Variants in DPY19L2 observed in about 807,000 individuals in gnomAD.
DPY19L2 encodes the protein dpy-19 like 2, also known as probable C-mannosyltransferase DPY19L2.
Under a neutral mutation model 97.9 loss-of-function variants are expected in DPY19L2, and 34 were observed. That is an observed-to-expected ratio of 0.35 (90% CI 0.26 to 0.46). The LOEUF (loss-of-function observed/expected upper bound fraction) is 0.46, where lower values mean the gene tolerates loss of function less well. Ranked by LOEUF, DPY19L2 falls within the 20% of genes least tolerant of loss-of-function variation. DPY19L2 has a pLI of 1.00. For missense variants in DPY19L2, 623 were observed against 911.4 expected, an observed-to-expected ratio of 0.68 and a Z score of 4.07; for synonymous variants, 230 against 307.9, an observed-to-expected ratio of 0.75 and a Z score of 2.65.
intron 16 of DPY19L2, among the ~76,000 whole-genome samples, chr12:63,588,989 G>A (rs1399582948): frequency 6.6e-6 from 1 of 151,830 alleles, no homozygotes. Flanking sequence ...TCCTGACCTC[G>A]TGATCCGCCC....
intron 21 of DPY19L2, among the ~76,000 whole-genome samples, chr12:63,564,289 A>T (rs375681829): frequency 1.4e-3 from 216 of 152,124 alleles, no homozygotes; most frequent in African/African-American, 5.0e-3. Flanking sequence ...GAGTTTACTT[A>T]TTCTTTTTTT....
At position 63,634,168 on chromosome 12, in the gene DPY19L2, C is replaced by T. The variant is rs565314603; in HGVS notation, c.804-7642G>A. On this transcript the variant is annotated intron_variant, in intron 6 of 21. Transcript: ENST00000324472. ...ACATGGCACATGCATACATATGTAACTAACCTGCACGTTGTGCACATGTAC... is the reference window on the plus strand; with the variant it reads ...ACATGGCACATGCATACATATGTAATTAACCTGCACGTTGTGCACATGTAC... Among the ~76,000 whole-genome samples the T allele has an allele frequency of 8.5e-5, 13 of 152,214 alleles. 1 individual carries two copies. In the South Asian group the frequency reaches 2.3e-3, roughly 27 times the overall value.
Position 63,624,098 on chromosome 12 carries a change from C to G in DPY19L2, c.895G>C (p.Glu299Gln). The change falls in exon 8 of 22, where the codon GAA becomes CAA. Residue 299 changes from glutamate to glutamine, a missense_variant. By Grantham distance (29) the Glu-to-Gln change is conservative. Around this residue, in one of 6 missense-constraint regions of DPY19L2, gnomAD observed 67 missense variants for 88.0 expected, o/e 0.76. Transcript: ENST00000324472. ...TRVMWTPPLR[E>Q]SFSYPFLVLQ... ...ACAAGGAAAGGATAGGAAAAACTTT[C>G]ACGGAGAGGTGGTGTCCACATCACA... The G allele has an allele frequency of 6.2e-7, 1 of 1,611,762 alleles. No individual in the cohort carries two copies. Among genetic ancestry groups the G allele is most frequent in the Non-Finnish European group, 8.5e-7 (1 of 1,179,638 alleles).
chr12:63,592,043 G>A (rs1432361167), intron 16 of DPY19L2, among the ~76,000 whole-genome samples: 1 of 40,680 alleles, frequency 2.5e-5, no homozygotes, highest in Non-Finnish European at 5.0e-5. Flanking sequence ...GGGGAGGGGA[G>A]GGAACGGAAG....
At position 63,594,491 on chromosome 12, in the gene DPY19L2, G is replaced by GTGTGTGTGTGTA. The variant is rs58963302; in HGVS notation, c.1534-359_1534-358insTACACACACACA. On this transcript the variant is annotated intron_variant, in intron 15 of 21. Coordinates refer to ENST00000324472, the MANE Select transcript of DPY19L2 (RefSeq NM_173812.5). ...TGTGTGTGTGTGTGTGTGTGTGTGT[G>GTGTGTGTGTGTA]TATGAAACTTGGCCGGCTACAGGGA... Among the ~76,000 whole-genome samples, 685 of 144,620 alleles carry GTGTGTGTGTGTA rather than the reference G, an allele frequency of 4.7e-3. 11 individuals carry two copies. The highest frequency in any genetic ancestry group is 0.017 in the African/African-American group (644 of 37,118). 94.9% of individuals were successfully genotyped at this position (144,620 alleles called of 152,430 possible). A position where few individuals can be genotyped will look rare whatever the true frequency, so the allele number is the denominator to read the frequency against.
At chr12:63,640,427 A>G (rs1592696864) in intron 6 of DPY19L2, among the ~76,000 whole-genome samples, 2 of 152,320 alleles carry the variant, frequency 1.3e-5, no homozygotes, top group South Asian at 4.1e-4. Flanking sequence ...AAGAAGGGGA[A>G]AGATATCAAT....
At chr12:63,636,522 C>T (rs904770413) in intron 6 of DPY19L2, among the ~76,000 whole-genome samples, 12 of 151,974 alleles carry the variant, frequency 7.9e-5, no homozygotes, top group East Asian at 1.9e-4. Flanking sequence ...GTGCTGTATT[C>T]GGGAAACCCA....
At chr12:63,574,284 A>T (rs1879421292) in intron 19 of DPY19L2, among the ~76,000 whole-genome samples, 1 of 152,066 alleles carries the variant, frequency 6.6e-6, no homozygotes, top group Non-Finnish European at 1.5e-5. Context: ...TATTATTTGC[A>T]AGCCTCATGG....
chr12:63,595,210 T>C (rs1213926826), intron 15 of DPY19L2, among the ~76,000 whole-genome samples: 7 of 152,148 alleles, frequency 4.6e-5, no homozygotes, highest in Admixed American at 3.9e-4. Flanking sequence ...ACACAACTGG[T>C]ATGGTGGTAG....
intron 6 of DPY19L2, among the ~76,000 whole-genome samples, chr12:63,634,344 A>C: frequency 6.6e-6 from 1 of 151,882 alleles, no homozygotes; most frequent in Non-Finnish European, 1.5e-5. Flanking sequence ...AAGATGGCTG[A>C]ATAGGAACAG....
chr12:63,622,041 C>T (rs988079653), intron 8 of DPY19L2, among the ~76,000 whole-genome samples: 8 of 151,984 alleles, frequency 5.3e-5, no homozygotes, highest in Non-Finnish European at 8.8e-5. Context: ...TTTGTACAAT[C>T]GTATATAAAT....
At chr12:63,593,891 C>A (rs1411094656) in intron 16 of DPY19L2, among the ~76,000 whole-genome samples, 196 bp downstream of exon 16, 4 of 151,962 alleles carry the variant, frequency 2.6e-5, no homozygotes, top group African/African-American at 7.3e-5. Context: ...ATATATATAT[C>A]TCCAAAACAA....
rs192216149 is a variant in DPY19L2, at chr12:63,647,568, A to G, written c.589-203T>C. On this transcript the variant is annotated intron_variant, in intron 4 of 21. Transcript: ENST00000324472. ...ATAAAAACAAACACTGCGTGTTTTG[A>G]TATTAAAAAGCTTTATAGATTCAAT... Among the ~76,000 whole-genome samples the G allele has an allele frequency of 1.8e-3, 280 of 152,274 alleles. 1 individual carries two copies. Among genetic ancestry groups the G allele is most frequent in the Non-Finnish European group, 2.9e-3 (199 of 67,998 alleles).
At chr12:63,589,416 A>G (rs1017385305) in intron 16 of DPY19L2, among the ~76,000 whole-genome samples, 4 of 149,604 alleles carry the variant, frequency 2.7e-5, no homozygotes, top group African/African-American at 9.8e-5. Context: ...CCTATAAACT[A>G]AAAGATCAAT....
chr12:63,655,979 T>G (rs1894921334), intron 4 of DPY19L2, among the ~76,000 whole-genome samples: 1 of 152,242 alleles, frequency 6.6e-6, no homozygotes, highest in Non-Finnish European at 1.5e-5. Context: ...ATGACCCATG[T>G]AATTAAATGC....
chr12:63,660,188 C>T (rs2138290978), intron 4 of DPY19L2, among the ~76,000 whole-genome samples: 1 of 152,046 alleles, frequency 6.6e-6, no homozygotes, highest in South Asian at 2.1e-4. Flanking sequence ...ATATCCTAGA[C>T]AAAATATTGC....
chr12:63,561,773 AT>A (rs1441520727), intron 21 of DPY19L2, among the ~76,000 whole-genome samples: 1 of 151,708 alleles, frequency 6.6e-6, no homozygotes, highest in Admixed American at 6.6e-5. Flanking sequence ...GACATATGTT[AT>A]CATTTCTCTT....
intron 6 of DPY19L2, among the ~76,000 whole-genome samples, chr12:63,638,592 T>G (rs982442178): frequency 1.1e-4 from 16 of 152,148 alleles, no homozygotes; most frequent in Admixed American, 3.9e-4. Flanking sequence ...AAATCATGAG[T>G]GAACTCCCAT....
At chr12:63,607,706 T>C (rs1471602972) in intron 12 of DPY19L2, among the ~76,000 whole-genome samples, 1 of 152,154 alleles carries the variant, frequency 6.6e-6, no homozygotes, top group Non-Finnish European at 1.5e-5. Context: ...GGGGTAATCA[T>C]GGCTCACTGT....
Sources: allele counts gnomAD v4.1 joint callset (sites outside exome capture counted in the v4.1 genomes callset), GRCh38; gene constraint gnomAD v4.1.1; regional missense constraint gnomAD v4.1.1; transcripts MANE v1.5; gene names NCBI Gene and HGNC (gene_info 2026-07-23, HGNC 2026-07-21).